Variants in FAT1 observed in about 807,000 individuals in gnomAD.
FAT1 encodes the protein protocadherin Fat 1.
FAT1 carries 171 observed loss-of-function variants against 329.8 expected under a neutral mutation model. That is an observed-to-expected ratio of 0.52 (90% confidence interval 0.46 to 0.59). The LOEUF is 0.59. Among genes scored for constraint, FAT1 ranks in the 20% least tolerant of loss-of-function variants. The probability of loss-of-function intolerance (pLI) is 0.00; values close to 1 mark genes in which losing one functional copy is unlikely to be tolerated. For synonymous variants in FAT1, 2,233 were observed against 2,228.6 expected (o/e 1.00, Z -0.06); for missense variants, 5,672 against 5,774.4 (o/e 0.98, Z 0.57).
At chr4:186,595,929 T>C in intron 25 of FAT1, 103 bp from the exon 26 acceptor site, 2 of 1,221,178 alleles carry the variant, frequency 1.6e-6, no homozygotes, top group Non-Finnish European at 2.3e-6. Flanking sequence ...GGCCTGAGAT[T>C]TACTCAATAA....
chr4:186,605,998 G>A, intron 17 of FAT1, 72 bp downstream of exon 17: 2 of 1,412,030 alleles, frequency 1.4e-6, no homozygotes, highest in Non-Finnish European at 1.9e-6. Context: ...GGATAAGAAA[G>A]AAAAGCAACA....
chr4:186,722,247 A>G (rs1005362775), intron 1 of FAT1, among the ~76,000 whole-genome samples: 1 of 152,224 alleles, frequency 6.6e-6, no homozygotes, highest in African/African-American at 2.4e-5. Flanking sequence ...AAATGAATAT[A>G]CAGGTGGCCC....
At chr4:186,653,845 C>A (rs1741780705) in intron 3 of FAT1, among the ~76,000 whole-genome samples, 1 of 152,130 alleles carries the variant, frequency 6.6e-6, no homozygotes. Context: ...AACCCAAAAG[C>A]CCCGTGTGGC....
In FAT1 at chr4:186,618,004, G is replaced by A. The variant is rs746892436; in HGVS notation, c.8582C>T (p.Ala2861Val). Residue 2861 changes from alanine to valine, a missense_variant, in exon 10 of 27, where the codon GCC becomes GTC. Ala to Val is a moderately conservative substitution (Grantham distance 64). Transcript: ENST00000441802. ...SQSVEVIESFAINMETGWITT... is the reference protein window; with the variant it reads ...SQSVEVIESFVINMETGWITT... ...AATCCAGCCTGTTTCCATGTTAATG[G>A]CAAAGGATTCAATGACTTCCACACT... 1.4e-5 allele frequency: 22 copies of A among 1,613,972 alleles called. No homozygotes were observed. The highest frequency in any genetic ancestry group is 1.9e-5 in the Non-Finnish European group (22 of 1,179,906).
rs60074549 is a variant in FAT1, at chr4:186,594,676, G to GTATATATA, written c.13138+1005_13138+1012dup. Among the ~76,000 whole-genome samples, 110 of 128,352 alleles carry GTATATATA rather than the reference G, an allele frequency of 8.6e-4. 1 individual carries two copies. Among genetic ancestry groups the GTATATATA allele is most frequent in the African/African-American group, 2.1e-3 (73 of 34,388 alleles). 84.2% of individuals were successfully genotyped at this position (128,352 alleles called of 152,430 possible). A position where few individuals can be genotyped will look rare whatever the true frequency, so the allele number is the denominator to read the frequency against. On this transcript the variant is annotated intron_variant, in intron 26 of 26. Coordinates refer to ENST00000441802, the MANE Select transcript of FAT1 (RefSeq NM_005245.4). ...TGTGTATATATATATATACTTGAAA[G>GTATATATA]TATATATATATATATATATATATAC... is the stretch of plus-strand genomic sequence containing the variant.
rs1739815596 is a variant in FAT1, at chr4:186,618,188, T to C, written c.8398A>G (p.Lys2800Glu). Residue 2800 changes from lysine to glutamate, a missense_variant, in exon 10 of 27, where the codon AAA becomes GAA. Coordinates refer to ENST00000441802, the MANE Select transcript of FAT1 (RefSeq NM_005245.4). ...VASVDVSIQVKDANDNSPVFE... is the reference protein window; with the variant it reads ...VASVDVSIQVEDANDNSPVFE... ...ACCGGGCTGTTGTCATTTGCATCTT[T>C]CACTTGGATACTAACATCTACAGAA... The C allele has an allele frequency of 1.2e-6, 2 of 1,614,026 alleles. No individual in the cohort carries two copies. The highest frequency in any genetic ancestry group is 8.5e-7 in the Non-Finnish European group (1 of 1,179,900).
chr4:186,661,355 C>T (rs183751231), intron 3 of FAT1, among the ~76,000 whole-genome samples: 21 of 152,312 alleles, frequency 1.4e-4, no homozygotes, highest in African/African-American at 5.1e-4. Context: ...GAGGCGGAAA[C>T]GCTGCAGACA....
intron 2 of FAT1, among the ~76,000 whole-genome samples, chr4:186,692,537 C>A (rs914125021): frequency 1.3e-5 from 2 of 152,082 alleles, no homozygotes; most frequent in African/African-American, 2.4e-5. Context: ...TGGTCTCGAT[C>A]TCCTGACCTC....
chr4:186,633,581 C>A (rs1441361113), intron 7 of FAT1, 103 bp downstream of exon 7: 34 of 1,227,632 alleles, frequency 2.8e-5, no homozygotes, highest in Non-Finnish European at 3.6e-5. Flanking sequence ...TGATTTTAGA[C>A]CCTCACAGGG....
At chr4:186,687,719 A>G (rs1026115351) in intron 2 of FAT1, among the ~76,000 whole-genome samples, 7 of 152,238 alleles carry the variant, frequency 4.6e-5, no homozygotes, top group Admixed American at 2.6e-4. Flanking sequence ...TTTCAGATAA[A>G]GATGCTCAAC....
At chr4:186,651,515 C>A (rs1452152755) in intron 3 of FAT1, among the ~76,000 whole-genome samples, 1 of 152,176 alleles carries the variant, frequency 6.6e-6, no homozygotes, top group Non-Finnish European at 1.5e-5. Context: ...TTTTAAAAAT[C>A]TTTCATGAGT....
intron 3 of FAT1, among the ~76,000 whole-genome samples, chr4:186,649,301 A>C (rs1741520550): frequency 6.6e-6 from 1 of 152,176 alleles, no homozygotes; most frequent in Non-Finnish European, 1.5e-5. Flanking sequence ...ATTAAGAGGA[A>C]TCTAAATGGC....
chr4:186,633,546 C>A, intron 7 of FAT1, 138 bp downstream of exon 7: 1 of 774,450 alleles, frequency 1.3e-6, no homozygotes, highest in Admixed American at 2.6e-5. Flanking sequence ...AATAAAAATT[C>A]TTAGTGTGCA....
intron 4 of FAT1, among the ~76,000 whole-genome samples, chr4:186,638,614 TGCACACACACACACACACAC>T (rs1214983535): frequency 2.5e-5 from 3 of 120,022 alleles, no homozygotes; most frequent in Middle Eastern, 4.3e-3. Flanking sequence ...CAGTTCCCAA[TGCACACACACACACACACAC>T]ACACACACAC....
chr4:186,614,550 C>A (rs1739614291), intron 11 of FAT1, among the ~76,000 whole-genome samples: 1 of 152,268 alleles, frequency 6.6e-6, no homozygotes, highest in South Asian at 2.1e-4. Context: ...GAGCAGCCAC[C>A]AGCTCCACAT....
At chr4:186,667,826 G>A (rs890467978) in intron 2 of FAT1, among the ~76,000 whole-genome samples, 1 of 152,170 alleles carries the variant, frequency 6.6e-6, no homozygotes, top group Non-Finnish European at 1.5e-5. Context: ...AGGAAACAAG[G>A]CCAGGGTCAA....
intron 9 of FAT1, among the ~76,000 whole-genome samples, chr4:186,625,767 T>G (rs1002078708): frequency 5.3e-5 from 8 of 152,258 alleles, no homozygotes; most frequent in African/African-American, 1.9e-4. Context: ...AGGAACATCC[T>G]AAAGCAACGT....
chr4:186,709,363 G>C lies in FAT1; in HGVS notation c.465C>G (p.Ser155Arg), dbSNP rs753125768. The C allele has an allele frequency of 6.2e-7, 1 of 1,613,966 alleles. No individual in the cohort carries two copies. Among genetic ancestry groups the C allele is most frequent in the Non-Finnish European group, 8.5e-7 (1 of 1,179,902 alleles). The change falls in exon 2 of 27, where the codon AGC becomes AGG. Residue 155 changes from serine (S) to arginine (R), a missense_variant. Transcript: ENST00000441802. Reference sequence around the variant, plus strand: ...TAGCTGTGTTTTCAGGTAAAGAAACGCTGTATGAGGTGGGTGAGAATAACG... The same window carrying C: ...TAGCTGTGTTTTCAGGTAAAGAAACCCTGTATGAGGTGGGTGAGAATAACG... ...LRPLFSPTSY[S>R]VSLPENTAIR...
At chr4:186,697,436 G>A (rs79938805) in intron 2 of FAT1, among the ~76,000 whole-genome samples, 1,557 of 152,338 alleles carry the variant, frequency 0.01, 27 homozygotes, top group African/African-American at 0.036. Context: ...GAGGGATGAT[G>A]CACACTGTTC....
Sources: allele counts gnomAD v4.1 joint callset (sites outside exome capture counted in the v4.1 genomes callset), GRCh38; gene constraint gnomAD v4.1.1; transcripts MANE v1.5; gene names NCBI Gene and HGNC (gene_info 2026-07-23, HGNC 2026-07-21).